Variants in CFAP54 observed in about 807,000 individuals in gnomAD.
The protein encoded by CFAP54 is cilia and flagella associated protein 54.
CFAP54 carries 290 observed loss-of-function variants against 370.4 expected under a neutral mutation model. The observed-to-expected ratio is 0.78, with a 90% confidence interval of 0.71 to 0.86. The LOEUF (loss-of-function observed/expected upper bound fraction) is 0.86. Among genes scored for constraint, CFAP54 ranks in the 40% least tolerant of loss-of-function variants. The probability of loss-of-function intolerance (pLI) is 0.00; values close to 1 mark genes in which losing one functional copy is unlikely to be tolerated. For missense variants in CFAP54, 3,399 were observed against 3,528.7 expected (o/e 0.96, Z 0.93); for synonymous variants, 1,206 against 1,236.5 (o/e 0.98, Z 0.52).
At chr12:96,594,256 G>A (rs1565907216) in intron 24 of CFAP54, 35 bp from the exon 25 acceptor site, 2 of 1,467,318 alleles carry the variant, frequency 1.4e-6, no homozygotes, top group African/African-American at 1.4e-5. Context: ...AAGCACCTAT[G>A]TTCAATCTGA....
At chr12:96,567,271 G>C (rs557445053) in intron 19 of CFAP54, among the ~76,000 whole-genome samples, 3 of 152,178 alleles carry the variant, frequency 2.0e-5, no homozygotes, top group Non-Finnish European at 4.4e-5. Context: ...GGAGTCGGGT[G>C]GGGGAGAGGA....
intron 48 of CFAP54, among the ~76,000 whole-genome samples, chr12:96,716,899 C>A (rs1287311201): frequency 6.6e-6 from 1 of 152,082 alleles, no homozygotes; most frequent in African/African-American, 2.4e-5. Context: ...AAACACAGAT[C>A]CTAGATATGG....
intron 67 of CFAP54, among the ~76,000 whole-genome samples, chr12:96,871,947 G>A (rs750851659): frequency 6.6e-6 from 1 of 152,004 alleles, no homozygotes; most frequent in Non-Finnish European, 1.5e-5. Context: ...AGATAGGAAG[G>A]GAAGTTAGGA....
intron 60 of CFAP54, among the ~76,000 whole-genome samples, chr12:96,769,887 C>T (rs1648045196): frequency 6.6e-6 from 1 of 152,194 alleles, no homozygotes; most frequent in African/African-American, 2.4e-5. Flanking sequence ...AGCCAAGAAT[C>T]ACAACTGGGC....
chr12:96,490,749 A>G (rs1294855660), intron 1 of CFAP54, among the ~76,000 whole-genome samples: 9 of 151,934 alleles, frequency 5.9e-5, no homozygotes, highest in Admixed American at 5.2e-4. Context: ...GCATATAACA[A>G]CTATTTATTG....
At chr12:96,850,492 A>G (rs985512053) in intron 66 of CFAP54, among the ~76,000 whole-genome samples, 1 of 152,118 alleles carries the variant, frequency 6.6e-6, no homozygotes, top group Non-Finnish European at 1.5e-5. Flanking sequence ...CATAGTTGTC[A>G]GGTAGGGGAG....
At chr12:96,732,183 T>C (rs561390721) in intron 50 of CFAP54, among the ~76,000 whole-genome samples, 67 of 152,128 alleles carry the variant, frequency 4.4e-4, no homozygotes, top group Non-Finnish European at 4.0e-4. Flanking sequence ...TGGAGTGCAG[T>C]AGCAGGATCT....
At chr12:96,795,465 T>C (rs1958752258) in intron 63 of CFAP54, among the ~76,000 whole-genome samples, 2 of 151,796 alleles carry the variant, frequency 1.3e-5, no homozygotes. Flanking sequence ...GTGGCTGCTG[T>C]GGGAGATGAT....
chr12:96,752,085 T>TGAGCGAGAGA (rs1958190506), intron 55 of CFAP54, among the ~76,000 whole-genome samples: 1 of 90,568 alleles, frequency 1.1e-5, no homozygotes, highest in African/African-American at 3.9e-5. Context: ...TCTTCCTGGA[T>TGAGCGAGAGA]GAGAGAGAGA....
intron 62 of CFAP54, among the ~76,000 whole-genome samples, chr12:96,789,431 A>G (rs547526476): frequency 3.3e-4 from 50 of 152,292 alleles, no homozygotes; most frequent in African/African-American, 1.0e-3. Flanking sequence ...AACTGAGACT[A>G]TTTTTGAGGA....
chr12:96,543,674 C>T (rs1248227855), intron 14 of CFAP54, among the ~76,000 whole-genome samples: 2 of 152,082 alleles, frequency 1.3e-5, no homozygotes, highest in African/African-American at 2.4e-5. Flanking sequence ...AAGATTTATG[C>T]TTGCTTTTAC....
intron 26 of CFAP54, among the ~76,000 whole-genome samples, chr12:96,610,467 A>C (rs930946432): frequency 2.0e-5 from 3 of 152,206 alleles, no homozygotes; most frequent in African/African-American, 7.2e-5. Context: ...TACAGCTCCC[A>C]GTGTGAGCAA....
In CFAP54 at chr12:96,873,454, G is replaced by A. The variant is rs112633154; in HGVS notation, c.*15-1664G>A. Reference sequence around the variant, plus strand: ...AGCTTCTGGCTCGACTCAATCCAGAGGTTCATGATTCACATCTCAGCTGTC... The same window carrying A: ...AGCTTCTGGCTCGACTCAATCCAGAAGTTCATGATTCACATCTCAGCTGTC... On this transcript the variant is annotated intron_variant, in intron 67 of 67. Transcript: ENST00000524981. Among the ~76,000 whole-genome samples, 843 of 152,292 alleles carry A rather than the reference G, an allele frequency of 5.5e-3. 9 individuals are homozygous for A. Among genetic ancestry groups the A allele is most frequent in the African/African-American group, 0.018 (757 of 41,562 alleles).
At chr12:96,520,161 A>G (rs1400291348) in intron 6 of CFAP54, among the ~76,000 whole-genome samples, 2 of 152,174 alleles carry the variant, frequency 1.3e-5, no homozygotes. Context: ...ATGCCAAGCT[A>G]ATTGAATACA....
chr12:96,576,691 C>T lies in CFAP54; in HGVS notation c.2726C>T (p.Pro909Leu), dbSNP rs1955981068. 1 of 1,535,834 alleles carries T rather than the reference C, an allele frequency of 6.5e-7. No homozygotes were observed. The highest frequency in any genetic ancestry group is 8.7e-7 in the Non-Finnish European group (1 of 1,146,660). Residue 909 changes from proline to leucine, a missense_variant, in exon 20 of 68, where the codon CCA (proline) becomes CTA (leucine). Transcript: ENST00000524981. ...SKRKKSRVPPPPILLSRTHCS... is the reference protein window; with the variant it reads ...SKRKKSRVPPLPILLSRTHCS... ...AGAAAGAAAAGCAGAGTCCCCCCTC[C>T]ACCTATCCTGCTGTCTCGAACTCAT...
intron 2 of CFAP54, among the ~76,000 whole-genome samples, chr12:96,502,467 C>T (rs1303649916): frequency 6.8e-6 from 1 of 147,562 alleles, no homozygotes; most frequent in Middle Eastern, 3.6e-3. Context: ...TTTCTAGGCT[C>T]TATTTTTATT....
intron 66 of CFAP54, among the ~76,000 whole-genome samples, chr12:96,844,029 A>C (rs1959264762): frequency 6.6e-6 from 1 of 152,232 alleles, no homozygotes; most frequent in South Asian, 2.1e-4. Context: ...TAATTCAATA[A>C]CTTCAACTAC....
At chr12:96,757,920 T>G (rs1958282429) in intron 58 of CFAP54, among the ~76,000 whole-genome samples, 1 of 152,222 alleles carries the variant, frequency 6.6e-6, no homozygotes, top group African/African-American at 2.4e-5. Context: ...GAGTCATTAG[T>G]ATTGATCAGG....
intron 26 of CFAP54, among the ~76,000 whole-genome samples, chr12:96,613,728 A>G (rs1956385458): frequency 6.6e-6 from 1 of 152,240 alleles, no homozygotes; most frequent in African/African-American, 2.4e-5. Flanking sequence ...TCAGCAGAGA[A>G]TACTATAAAC....
Sources: allele counts gnomAD v4.1 joint callset (sites outside exome capture counted in the v4.1 genomes callset), GRCh38; gene constraint gnomAD v4.1.1; transcripts MANE v1.5; gene names NCBI Gene and HGNC (gene_info 2026-07-23, HGNC 2026-07-21).